Variants in PTPN13 observed in about 807,000 individuals in gnomAD.
PTPN13 encodes tyrosine-protein phosphatase non-receptor type 13.
Under a neutral mutation model 284.0 loss-of-function variants are expected in PTPN13, and 191 were observed. That is an observed-to-expected ratio of 0.67 (90% CI 0.60 to 0.76). PTPN13 has a LOEUF of 0.76. Among genes scored for constraint, PTPN13 ranks in the 30% least tolerant of loss-of-function variants. PTPN13 has a pLI of 0.00. For synonymous variants in PTPN13, 986 were observed against 1,022.3 expected, an observed-to-expected ratio of 0.96 and a Z score of 0.68; for missense variants, 2,797 against 2,939.9, an observed-to-expected ratio of 0.95 and a Z score of 1.12.
Position 86,689,023 on chromosome 4 carries a change from C to A in PTPN13, c.379C>A (p.His127Asn), listed in dbSNP as rs372924378. 1.2e-4 allele frequency: 187 copies of A among 1,566,988 alleles called. No individual in the cohort carries two copies. The highest frequency in any genetic ancestry group is 1.5e-4 in the Non-Finnish European group (174 of 1,137,372). Residue 127 changes from histidine (H) to asparagine (N), a missense_variant, in exon 5 of 48, where the codon CAT becomes AAT. Physicochemically the swap from His to Asn is moderately conservative, Grantham distance 68 (BLOSUM62 1). Transcript: ENST00000411767. The part of the protein sequence containing the change: ...PQSQPIKLGD[H>N]LNSILLGMCE... ...TATTCAGCCTATTAAGCTTGGAGAT[C>A]ATCTCAACAGCATACTGCTTGGAAT...
chr4:86,813,815 G>T (rs1158035610), intron 47 of PTPN13, among the ~76,000 whole-genome samples: 1 of 152,054 alleles, frequency 6.6e-6, no homozygotes, highest in Non-Finnish European at 1.5e-5. Flanking sequence ...ATGTAGGAAG[G>T]TTATTTTTCC....
intron 29 of PTPN13, 49 bp from the exon 30 acceptor site, chr4:86,770,052 A>G (rs1739802232): frequency 6.2e-7 from 1 of 1,611,968 alleles, no homozygotes; most frequent in South Asian, 1.1e-5. Context: ...GAATGGTTTC[A>G]TAATGCTGGT....
chr4:86,647,429 A>G (rs1379970803), intron 2 of PTPN13, among the ~76,000 whole-genome samples: 2 of 151,814 alleles, frequency 1.3e-5, no homozygotes, highest in Non-Finnish European at 1.5e-5. Flanking sequence ...TCAGGAGTAG[A>G]CTACTCACCT....
At chr4:86,797,643 A>T (rs115973761) in intron 41 of PTPN13, among the ~76,000 whole-genome samples, 1 of 152,272 alleles carries the variant, frequency 6.6e-6, no homozygotes, top group Non-Finnish European at 1.5e-5. Context: ...CCTAAATGGA[A>T]ATGTGGCAAC....
At chr4:86,805,201 C>A in intron 43 of PTPN13, 78 bp from the exon 44 acceptor site, 1 of 894,850 alleles carries the variant, frequency 1.1e-6, no homozygotes, top group Non-Finnish European at 1.7e-6. Flanking sequence ...AATTTTGCCC[C>A]TACACATTTA....
intron 7 of PTPN13, among the ~76,000 whole-genome samples, chr4:86,713,403 A>T (rs559527653): frequency 6.6e-6 from 1 of 152,238 alleles, no homozygotes; most frequent in South Asian, 2.1e-4. Flanking sequence ...ATTCAATTTA[A>T]ATTAGTATTA....
Position 86,635,320 on chromosome 4 carries a change from T to A in PTPN13, c.64T>A (p.Trp22Arg). 1.2e-6 allele frequency: 2 copies of A among 1,607,716 alleles called. No homozygotes were observed. Among genetic ancestry groups the A allele is most frequent in the Non-Finnish European group, 8.5e-7 (1 of 1,177,338 alleles). ...RGGPLQEEEI[W>R]AVLNQSAESL... ...TGGACCACTTCAGGAGGAAGAAATA[T>A]GGGCTGTATTAAATCAAAGTGCTGA... Residue 22 changes from tryptophan to arginine, a missense_variant, in exon 2 of 48, where the codon TGG (tryptophan) becomes AGG (arginine). By Grantham distance (101) the Trp-to-Arg change is moderately radical. Coordinates refer to ENST00000411767, the MANE Select transcript of PTPN13 (RefSeq NM_080683.3).
chr4:86,646,621 G>T (rs1017078584), intron 2 of PTPN13, among the ~76,000 whole-genome samples: 3 of 152,184 alleles, frequency 2.0e-5, no homozygotes, highest in Non-Finnish European at 4.4e-5. Context: ...TTCATAGACT[G>T]CTAGTGAAAA....
chr4:86,604,082 A>G (rs905732402), intron 1 of PTPN13, among the ~76,000 whole-genome samples: 2 of 152,086 alleles, frequency 1.3e-5, no homozygotes, highest in East Asian at 3.8e-4. Flanking sequence ...AACTGAATTC[A>G]GGTAGTGTTA....
chr4:86,758,246 T>C lies in PTPN13; in HGVS notation c.3224-14T>C, dbSNP rs1482918736. Reference sequence around the variant, plus strand: ...GCATGTTATATTTATTTTTAAATTATAAATTCCCAATAGATGTGCTACACA... The same window carrying C: ...GCATGTTATATTTATTTTTAAATTACAAATTCCCAATAGATGTGCTACACA... On this transcript the variant is annotated splice_polypyrimidine_tract_variant and intron_variant, in intron 20 of 47. Transcript: ENST00000411767. 7 of 1,557,808 alleles carry C rather than the reference T, an allele frequency of 4.5e-6. No homozygotes were observed. The highest frequency in any genetic ancestry group is 5.3e-6 in the Non-Finnish European group (6 of 1,137,904).
intron 3 of PTPN13, among the ~76,000 whole-genome samples, chr4:86,686,225 G>A (rs1452095342): frequency 6.6e-6 from 1 of 152,146 alleles, no homozygotes; most frequent in African/African-American, 2.4e-5. Flanking sequence ...AGTCAGGCAT[G>A]GTGGCAGGCA....
At chr4:86,785,650 A>G (rs1741811863) in intron 39 of PTPN13, among the ~76,000 whole-genome samples, 198 bp from the exon 40 acceptor site, 1 of 152,028 alleles carries the variant, frequency 6.6e-6, no homozygotes, top group Non-Finnish European at 1.5e-5. Flanking sequence ...TTCTCATTTT[A>G]ATTTTAGTAG....
chr4:86,780,421 C>G lies in PTPN13; in HGVS notation c.5911C>G (p.Pro1971Ala). The G allele has an allele frequency of 6.2e-7, 1 of 1,611,010 alleles. No homozygotes were observed. Reference protein sequence around the residue: ...KATRNDLPVVPSSKRSAVSAP... With the variant: ...KATRNDLPVVASSKRSAVSAP... ...ACACAGAAATGATCTTCCAGTGGTC[C>G]CCAGCTCAAAGAGGTCTGCTGTTTC... Residue 1971 changes from proline to alanine, a missense_variant, in exon 36 of 48, where the codon CCC becomes GCC. Physicochemically the swap from Pro to Ala is conservative, Grantham distance 27. Transcript: ENST00000411767.
intron 16 of PTPN13, among the ~76,000 whole-genome samples, chr4:86,744,242 G>A (rs555389376): frequency 1.3e-5 from 2 of 151,926 alleles, no homozygotes; most frequent in Non-Finnish European, 2.9e-5. Flanking sequence ...ATGCCACCCA[G>A]ACTCTACTTG....
At chr4:86,633,742 A>G (rs948054601) in intron 1 of PTPN13, among the ~76,000 whole-genome samples, 6 of 152,168 alleles carry the variant, frequency 3.9e-5, no homozygotes, top group Admixed American at 2.0e-4. Context: ...CAATTTATCA[A>G]TATTTTTCAT....
At chr4:86,719,096 AAC>A (rs1215033142) in intron 9 of PTPN13, among the ~76,000 whole-genome samples, 1 of 152,112 alleles carries the variant, frequency 6.6e-6, no homozygotes, top group African/African-American at 2.4e-5. Flanking sequence ...CCCAGTACAC[AAC>A]AGTTATCTTT....
chr4:86,711,816 C>T (rs1321775321), intron 7 of PTPN13, among the ~76,000 whole-genome samples: 1 of 152,118 alleles, frequency 6.6e-6, no homozygotes. Flanking sequence ...ATGGTGAAAG[C>T]TTAAAATTTT....
chr4:86,700,173 G>T (rs1453534464), intron 6 of PTPN13, among the ~76,000 whole-genome samples: 1 of 152,110 alleles, frequency 6.6e-6, no homozygotes, highest in African/African-American at 2.4e-5. Context: ...AAAGCTTATA[G>T]TTGTTACACT....
intron 1 of PTPN13, among the ~76,000 whole-genome samples, chr4:86,607,922 A>G (rs766248396): frequency 2.0e-5 from 3 of 152,034 alleles, no homozygotes; most frequent in Non-Finnish European, 4.4e-5. Context: ...AAAATCTTTT[A>G]ACAATGTTTA....
Sources: allele counts gnomAD v4.1 joint callset (sites outside exome capture counted in the v4.1 genomes callset), GRCh38; gene constraint gnomAD v4.1.1; transcripts MANE v1.5; gene names NCBI Gene and HGNC (gene_info 2026-07-23, HGNC 2026-07-21).